RNF212B: variants seen among roughly 807,000 people sequenced by gnomAD.
The protein encoded by RNF212B is E3 ubiquitin-protein ligase RNF212B.
Under a neutral mutation model 55.5 loss-of-function variants are expected in RNF212B, and 52 were observed. The observed-to-expected ratio is 0.94, with a 90% CI of 0.75 to 1.18. The LOEUF is 1.18. Among genes scored for constraint, RNF212B ranks in the 50% most tolerant of loss-of-function variants. The pLI, the probability that RNF212B is intolerant of heterozygous loss-of-function variation, is 0.00. For missense variants in RNF212B, 289 were observed against 350.4 expected (o/e 0.82, Z 1.40); for synonymous variants, 99 against 121.4 (o/e 0.82, Z 1.21).
At chr14:23,252,520 T>G (rs1884492417) in intron 4 of RNF212B, among the ~76,000 whole-genome samples, 1 of 152,210 alleles carries the variant, frequency 6.6e-6, no homozygotes, top group African/African-American at 2.4e-5. Context: ...GACACTGGGT[T>G]GCAGCAGAGA....
upstream of RNF212B, among the ~76,000 whole-genome samples, chr14:23,234,226 T>C (rs1392609324): frequency 1.3e-5 from 2 of 152,202 alleles, no homozygotes; most frequent in Non-Finnish European, 2.9e-5. Context: ...GCTCTTTGTA[T>C]ATTAAAGCTA....
chr14:23,260,795 G>A, intron 7 of RNF212B, 108 bp downstream of exon 7: 1 of 1,017,366 alleles, frequency 9.8e-7, no homozygotes, highest in Non-Finnish European at 1.5e-6. Flanking sequence ...AATGAATTTA[G>A]CTTTCACTTC....
chr14:23,270,857 TG>T (rs936539251), intron 14 of RNF212B, among the ~76,000 whole-genome samples, 196 bp downstream of exon 14: 4 of 152,192 alleles, frequency 2.6e-5, no homozygotes, highest in African/African-American at 9.6e-5. Flanking sequence ...CTTCCTGGTT[TG>T]GGGTTTTAAA....
chr14:23,257,158 C>CA (rs1389876792), intron 4 of RNF212B, among the ~76,000 whole-genome samples: 16 of 150,262 alleles, frequency 1.1e-4, no homozygotes, highest in African/African-American at 3.2e-4. Context: ...GTCACACACA[C>CA]ACAAAAAAAA....
intron 13 of RNF212B, 94 bp downstream of exon 13, chr14:23,270,054 G>A (rs1885965093): frequency 2.7e-6 from 2 of 750,714 alleles, no homozygotes; most frequent in African/African-American, 1.7e-5. Context: ...GTTGAGGTTT[G>A]CCCCCCAAAG....
chr14:23,246,278 T>G (rs1883974777), intron 4 of RNF212B, among the ~76,000 whole-genome samples: 1 of 152,090 alleles, frequency 6.6e-6, no homozygotes, highest in Non-Finnish European at 1.5e-5. Context: ...TTACTCATCT[T>G]ATATGTCAGC....
rs1274204322 is a variant in RNF212B, at chr14:23,210,790, A to AAG, written c.-2+17390_-2+17391insGA. On this transcript the variant is annotated intron_variant, in intron 2 of 15. Transcript: ENST00000399910. ...AGACTCTGTCTCAAAAAAAAAAAAA[A>AAG]AAAAAGAAATGTAGGATGATAACAT... 2.0e-5 allele frequency among the ~76,000 whole-genome samples: 3 copies of AAG among 150,804 alleles called. No individual in the cohort carries two copies. The East Asian group carries it at 5.8e-4, about 29-fold the overall frequency.
intron 2 of RNF212B, among the ~76,000 whole-genome samples, chr14:23,196,200 C>T (rs1337169629): frequency 6.6e-6 from 1 of 152,142 alleles, no homozygotes; most frequent in East Asian, 1.9e-4. Flanking sequence ...GTGCCTTTTA[C>T]CAGGTGCCGA....
At chr14:23,211,718 T>A (rs958561163) in intron 2 of RNF212B, among the ~76,000 whole-genome samples, 1 of 152,166 alleles carries the variant, frequency 6.6e-6, no homozygotes, top group Admixed American at 6.5e-5. Context: ...ACTTAAAAAA[T>A]AAAAATTAGT....
chr14:23,247,998 C>A (rs564807812), intron 4 of RNF212B, among the ~76,000 whole-genome samples: 2 of 152,292 alleles, frequency 1.3e-5, no homozygotes, highest in African/African-American at 2.4e-5. Flanking sequence ...AGTTCAACAT[C>A]AAGGCACTAA....
At chr14:23,229,232 AT>A (rs1882326457) in intron 2 of RNF212B, among the ~76,000 whole-genome samples, 2 of 64,842 alleles carry the variant, frequency 3.1e-5, no homozygotes, top group African/African-American at 1.1e-4. Flanking sequence ...ATATATATAT[AT>A]ATATATATAT....
rs535516181 is a variant in RNF212B, at chr14:23,263,114, AC to A, written c.524+145del. On this transcript the variant is annotated intron_variant, in intron 9 of 14. Transcript: ENST00000430154. ...GGGTTTTTTTTTTTCCCTAAGCCAA[AC>A]TGTATCCAGCTTTATTAAAGATACT... 399 of 702,530 alleles carry A rather than the reference AC, an allele frequency of 5.7e-4. 1 individual carries two copies. In the African/African-American group the frequency reaches 6.7e-3, roughly 12 times the overall value. 43.5% of individuals were successfully genotyped at this position (702,530 alleles called of 1,614,324 possible). A position where few individuals can be genotyped will look rare whatever the true frequency, so the allele number is the denominator to read the frequency against.
At chr14:23,217,264 G>GGGGT (rs1881184154) in intron 2 of RNF212B, among the ~76,000 whole-genome samples, 1 of 150,654 alleles carries the variant, frequency 6.6e-6, no homozygotes, top group African/African-American at 2.4e-5. Context: ...GTGGGGGGGG[G>GGGGT]GCTCCTCTGC....
At chr14:23,220,393 C>G (rs1270150677) in intron 2 of RNF212B, among the ~76,000 whole-genome samples, 1 of 151,858 alleles carries the variant, frequency 6.6e-6, no homozygotes, top group African/African-American at 2.4e-5. Context: ...TTAGCTGGGT[C>G]TGGTGGTGCA....
At chr14:23,226,070 C>T (rs1483976576) in intron 2 of RNF212B, among the ~76,000 whole-genome samples, 4 of 151,086 alleles carry the variant, frequency 2.6e-5, no homozygotes, top group African/African-American at 4.9e-5. Context: ...GAGGCTGAGG[C>T]GGGTGGATCA....
At chr14:23,263,369 A>G (rs1324880477) in intron 9 of RNF212B, among the ~76,000 whole-genome samples, 2 of 152,256 alleles carry the variant, frequency 1.3e-5, no homozygotes, top group Non-Finnish European at 2.9e-5. Context: ...AATGAAATGA[A>G]AATGGCAGAA....
chr14:23,207,082 A>G (rs1186262569), intron 2 of RNF212B, among the ~76,000 whole-genome samples: 1 of 152,102 alleles, frequency 6.6e-6, no homozygotes, highest in Non-Finnish European at 1.5e-5. Flanking sequence ...TTTTCTTTAA[A>G]TCTTATTACC....
chr14:23,223,345 A>G (rs1224080890), intron 2 of RNF212B, among the ~76,000 whole-genome samples: 1 of 150,922 alleles, frequency 6.6e-6, no homozygotes, highest in African/African-American at 2.4e-5. Context: ...TGAATGGAGA[A>G]AAACTGAAAG....
intron 4 of RNF212B, among the ~76,000 whole-genome samples, chr14:23,255,307 TTAAAC>T (rs1308929394): frequency 6.6e-6 from 1 of 152,216 alleles, no homozygotes; most frequent in Non-Finnish European, 1.5e-5. Context: ...GTTAATATCT[TTAAAC>T]TAAATTTGTT....
Sources: allele counts gnomAD v4.1 joint callset (sites outside exome capture counted in the v4.1 genomes callset), GRCh38; gene constraint gnomAD v4.1.1; transcripts MANE v1.5; gene names NCBI Gene and HGNC (gene_info 2026-07-23, HGNC 2026-07-21).